The following LIN7C variants were observed in gnomAD, a reference collection of about 807,000 sequenced individuals.
LIN7C encodes protein lin-7 homolog C.
In LIN7C, 17 loss-of-function variants were observed where a neutral mutation model predicts 24.7. The ratio of observed to expected loss-of-function variants is 0.69; its 90% CI spans 0.47 to 1.03. LIN7C has a LOEUF of 1.03. LIN7C is among the 50% of genes least tolerant of loss of function. The probability of loss-of-function intolerance (pLI) is 0.00; values close to 1 mark genes in which losing one functional copy is unlikely to be tolerated. For synonymous variants in LIN7C, 90 were observed against 83.4 expected, an observed-to-expected ratio of 1.08 and a Z score of -0.43; for missense variants, 204 against 239.0, an observed-to-expected ratio of 0.85 and a Z score of 0.97.
intron 3 of LIN7C, among the ~76,000 whole-genome samples, chr11:27,500,222 C>A (rs1216392939): frequency 6.6e-6 from 1 of 152,166 alleles, no homozygotes. Context: ...CCTTCCCCAG[C>A]ATGCTAGCAG....
Position 27,501,536 on chromosome 11 carries a change from T to C in LIN7C, c.187A>G (p.Ile63Val). ...GCTCTCACTTCAGGACTGCTACTGATGTCCACAGTCTCATAGACATGTTCA... is the reference window on the plus strand; with the variant it reads ...GCTCTCACTTCAGGACTGCTACTGACGTCCACAGTCTCATAGACATGTTCA... Reference protein sequence around the residue: ...VYEHVYETVDISSSPEVRANA... With the variant: ...VYEHVYETVDVSSSPEVRANA... Residue 63 changes from isoleucine to valine, a missense_variant, in exon 3 of 5, where the codon ATC (isoleucine) becomes GTC (valine). This residue lies in a region of LIN7C where 126 missense variants were observed against 117.8 expected (regional missense o/e 1.07). Coordinates refer to ENST00000278193, the MANE Select transcript of LIN7C (RefSeq NM_018362.4). 6.3e-7 allele frequency: 1 copy of C among 1,599,094 alleles called. No homozygotes were observed.
chr11:27,503,613 A>G (rs1305483238), intron 1 of LIN7C, among the ~76,000 whole-genome samples: 1 of 151,996 alleles, frequency 6.6e-6, no homozygotes, highest in Non-Finnish European at 1.5e-5. Context: ...TCCCAGGTTC[A>G]AGCAAGTCTC....
At chr11:27,506,075 T>C (rs1307223573) in intron 1 of LIN7C, among the ~76,000 whole-genome samples, 1 of 152,220 alleles carries the variant, frequency 6.6e-6, no homozygotes, top group African/African-American at 2.4e-5. Context: ...ATTGTAGGGT[T>C]TGTAAGAAAT....
At chr11:27,500,684 T>C (rs1025278126) in intron 3 of LIN7C, among the ~76,000 whole-genome samples, 15 of 152,170 alleles carry the variant, frequency 9.9e-5, no homozygotes, top group Non-Finnish European at 1.3e-4. Context: ...ATTTACTGAA[T>C]ACCCGTTATC....
rs1470718039 is a variant in LIN7C at position 27,499,427 on chromosome 11, G to T, written c.370C>A (p.Pro124Thr). 6.2e-7 allele frequency: 1 copy of T among 1,614,016 alleles called. No individual in the cohort carries two copies. The highest frequency in any genetic ancestry group is 1.7e-5 in the Admixed American group (1 of 60,018). Residue 124 changes from proline (P) to threonine (T), a missense_variant, in exon 4 of 5, where the codon CCA becomes ACA. Transcript: ENST00000278193. ...NSPIYISRII[P>T]GGIADRHGGL... ...CCATGTCTATCAGCAATTCCACCTG[G>T]AATTATTCGGGATATATAGATTGGA... is the stretch of plus-strand genomic sequence containing the variant.
chr11:27,500,220 A>T (rs531742488), intron 3 of LIN7C, among the ~76,000 whole-genome samples: 2 of 152,156 alleles, frequency 1.3e-5, no homozygotes, highest in African/African-American at 4.8e-5. Context: ...CCCCTTCCCC[A>T]GCATGCTAGC....
In LIN7C at chr11:27,499,572, A is replaced by C. The variant is rs544437083; in HGVS notation, c.229-4T>G. 2.5e-6 allele frequency: 4 copies of C among 1,612,072 alleles called. No homozygotes were observed. The South Asian group carries it at 4.4e-5, about 18-fold the overall frequency. On this transcript the variant is annotated splice_region_variant and splice_polypyrimidine_tract_variant and intron_variant, in intron 3 of 4. Transcript: ENST00000278193. Reference sequence around the variant, plus strand: ...CAGCAAATGCAGCAACAGTAGCCTGAAAGAAAGTTTTACATATTAAAAATA... The same window carrying C: ...CAGCAAATGCAGCAACAGTAGCCTGCAAGAAAGTTTTACATATTAAAAATA...
intron 1 of LIN7C, among the ~76,000 whole-genome samples, chr11:27,504,295 TA>T (rs957096738): frequency 1.3e-5 from 2 of 152,172 alleles, no homozygotes; most frequent in African/African-American, 4.8e-5. Flanking sequence ...ATAAGCCATA[TA>T]AAAATTTCCA....
intron 3 of LIN7C, among the ~76,000 whole-genome samples, chr11:27,500,412 G>C (rs573557749): frequency 2.0e-5 from 3 of 152,044 alleles, no homozygotes; most frequent in African/African-American, 4.8e-5. Flanking sequence ...GAAAAAGAGA[G>C]GTACATATAG....
At chr11:27,503,211 T>C (rs930535672) in intron 1 of LIN7C, among the ~76,000 whole-genome samples, 1 of 152,200 alleles carries the variant, frequency 6.6e-6, no homozygotes, top group Non-Finnish European at 1.5e-5. Flanking sequence ...ATTAGGGAAT[T>C]CTCACTGAGA....
chr11:27,504,673 T>C (rs1462888698), intron 1 of LIN7C, among the ~76,000 whole-genome samples: 1 of 152,190 alleles, frequency 6.6e-6, no homozygotes, highest in Non-Finnish European at 1.5e-5. Flanking sequence ...GTCTCTGATA[T>C]AAAATGATAT....
intron 1 of LIN7C, among the ~76,000 whole-genome samples, 160 bp downstream of exon 1, chr11:27,506,556 C>T (rs574898838): frequency 6.6e-6 from 1 of 152,320 alleles, no homozygotes; most frequent in Admixed American, 6.5e-5. Flanking sequence ...CGTAAGCGCC[C>T]TTCCTAGAGC....
At position 27,498,487 on chromosome 11, in the gene LIN7C, A is replaced by G; in HGVS notation, c.*162T>C. 1 of 668,730 alleles carries G rather than the reference A, an allele frequency of 1.5e-6. No individual in the cohort carries two copies. The highest frequency in any genetic ancestry group is 3.3e-5 in the Admixed American group (1 of 30,584). 41.4% of individuals were successfully genotyped at this position (668,730 alleles called of 1,614,324 possible). A position where few individuals can be genotyped will look rare whatever the true frequency, so the allele number is the denominator to read the frequency against. On this transcript the variant is annotated 3_prime_UTR_variant, in exon 5 of 5. Coordinates refer to ENST00000278193, the MANE Select transcript of LIN7C (RefSeq NM_018362.4). Reference sequence around the variant, plus strand: ...CAGAAAAAAGTGTATGCATCTCTGGAACCATAAATGATGTTAAAATAGGCA... The same window carrying G: ...CAGAAAAAAGTGTATGCATCTCTGGGACCATAAATGATGTTAAAATAGGCA...
Position 27,496,502 on chromosome 11 carries a change from A to G in LIN7C, c.*2147T>C, listed in dbSNP as rs1429569139. 1.3e-5 allele frequency: 2 copies of G among 152,222 alleles called. No individual in the cohort carries two copies. Among genetic ancestry groups the G allele is most frequent in the Non-Finnish European group, 2.9e-5 (2 of 68,030 alleles). 9.4% of individuals were successfully genotyped at this position (152,222 alleles called of 1,614,324 possible). A position where few individuals can be genotyped will look rare whatever the true frequency, so the allele number is the denominator to read the frequency against. ...TGGTCAAGATTTAAAATTCTGGGAT[A>G]CATTATGAAAACTGCATTAATGAAA... On this transcript the variant is annotated 3_prime_UTR_variant, in exon 5 of 5. Transcript: ENST00000278193.
In LIN7C at chr11:27,495,633, G is replaced by C. The variant is rs1865158193; in HGVS notation, c.*3016C>G. On this transcript the variant is annotated 3_prime_UTR_variant, in exon 5 of 5. Transcript: ENST00000278193. ...TTTCTCATCTGCAATTTTTAAACAT[G>C]CTTTCTCAAATAACAAACACGTATT... is the stretch of plus-strand genomic sequence containing the variant. The C allele has an allele frequency of 6.6e-6, 1 of 151,732 alleles. No homozygotes were observed. 9.4% of individuals were successfully genotyped at this position (151,732 alleles called of 1,614,324 possible). A position where few individuals can be genotyped will look rare whatever the true frequency, so the allele number is the denominator to read the frequency against.
At chr11:27,503,296 T>C (rs1365513213) in intron 1 of LIN7C, among the ~76,000 whole-genome samples, 1 of 152,218 alleles carries the variant, frequency 6.6e-6, no homozygotes, top group Non-Finnish European at 1.5e-5. Flanking sequence ...CTGTTAACTA[T>C]CTCTACTTTT....
At chr11:27,501,692 T>G in intron 2 of LIN7C, 110 bp downstream of exon 2, 1 of 896,152 alleles carries the variant, frequency 1.1e-6, no homozygotes. Flanking sequence ...TGAGAGGGAC[T>G]GGTTTTAATG....
At chr11:27,499,863 G>T (rs937943267) in intron 3 of LIN7C, among the ~76,000 whole-genome samples, 1 of 152,112 alleles carries the variant, frequency 6.6e-6, no homozygotes, top group Non-Finnish European at 1.5e-5. Flanking sequence ...TCCTGACCTC[G>T]TGATCCGCCC....
chr11:27,498,698 T>A lies in LIN7C; in HGVS notation c.545A>T (p.Glu182Val). The A allele has an allele frequency of 6.2e-7, 1 of 1,614,082 alleles. No individual in the cohort carries two copies. The highest frequency in any genetic ancestry group is 8.5e-7 in the Non-Finnish European group (1 of 1,179,958). ...RYTPKVLEEM[E>V]SRFEKMRSAK... ...TGATCTCATTTTTTCAAAGCGCGAC[T>A]CCATTTCTTCTAAGACTTTGGGTGT... The change falls in exon 5 of 5, where the codon GAG becomes GTG. Residue 182 changes from glutamate (E) to valine (V), a missense_variant. Around this residue, in one of 3 missense-constraint regions of LIN7C, gnomAD observed 74 missense variants for 99.6 expected, o/e 0.74. Transcript: ENST00000278193.
Sources: gnomAD v4.1 joint callset for allele counts (sites outside exome capture counted in the v4.1 genomes callset) on GRCh38, gnomAD v4.1.1 for gene constraint, gnomAD v4.1.1 regional missense constraint, MANE v1.5 for transcripts, NCBI Gene and HGNC (gene_info 2026-07-23, HGNC 2026-07-21) for gene names.